Variants in HSD11B1L observed in about 807,000 individuals in gnomAD.
HSD11B1L encodes the protein hydroxysteroid 11-beta dehydrogenase 1 like, also known as hydroxysteroid 11-beta-dehydrogenase 1-like protein.
In HSD11B1L, 22 loss-of-function variants were observed where a neutral mutation model predicts 27.0. The observed-to-expected ratio is 0.81, with a 90% CI of 0.58 to 1.16. The LOEUF is 1.16. Among genes scored for constraint, HSD11B1L ranks in the 50% most tolerant of loss-of-function variants. The pLI is 0.00. For synonymous variants in HSD11B1L, 187 were observed against 189.2 expected (o/e 0.99, Z 0.09); for missense variants, 372 against 401.8 (o/e 0.93, Z 0.63).
intron 1 of HSD11B1L, among the ~76,000 whole-genome samples, chr19:5,683,208 CA>C (rs1168433209): frequency 0.038 from 1,929 of 51,094 alleles, 24 homozygotes; most frequent in African/African-American, 0.11. Flanking sequence ...AACTCAGTCT[CA>C]AAAAAAAAAA....
chr19:5,683,391 C>A (rs1015779368), intron 1 of HSD11B1L, among the ~76,000 whole-genome samples: 6 of 152,132 alleles, frequency 3.9e-5, no homozygotes, highest in Non-Finnish European at 8.8e-5. Context: ...AGAGAGCGAG[C>A]TGTCTCTTGG....
Position 5,686,494 on chromosome 19 carries a change from G to A in HSD11B1L, c.283G>A (p.Glu95Lys), listed in dbSNP as rs551077796. 5.7e-6 allele frequency: 9 copies of A among 1,584,810 alleles called. No individual in the cohort carries two copies. The East Asian group carries it at 1.6e-4, about 28-fold the overall frequency. ...GGACATGGCCTCCCCTGAGGCGCCC[G>A]AGAGCGTGGTGCAGTTTGCGCTGGA... ...AADMASPEAP[E>K]SVVQFALDKL... is the part of the protein sequence containing the mutation. The change falls in exon 4 of 8, where the codon GAG becomes AAG. Residue 95 changes from glutamate to lysine, a missense_variant. Coordinates refer to ENST00000339423, the MANE Select transcript of HSD11B1L (RefSeq NM_198706.3).
chr19:5,681,509 C>G (rs2054545368), intron 1 of HSD11B1L, among the ~76,000 whole-genome samples: 2 of 151,292 alleles, frequency 1.3e-5, no homozygotes. Flanking sequence ...ATCCACACTT[C>G]CGTTCATCCA....
chr19:5,683,663 G>GGGAGGATC (rs2054612910), intron 1 of HSD11B1L, among the ~76,000 whole-genome samples: 1 of 152,086 alleles, frequency 6.6e-6, no homozygotes, highest in African/African-American at 2.4e-5. Flanking sequence ...AGGCTGAGGC[G>GGGAGGATC]GGAGGATCAC....
In HSD11B1L at chr19:5,687,453, G is replaced by A; in HGVS notation, c.503-50G>A. 1 of 1,589,910 alleles carries A rather than the reference G, an allele frequency of 6.3e-7. No individual in the cohort carries two copies. Among genetic ancestry groups the A allele is most frequent in the Non-Finnish European group, 8.5e-7 (1 of 1,172,796 alleles). ...GGGTGAGCCTGGAGGGTCTGGGCAG[G>A]CTTCCCGGACGAGGGGGAGCCACTC... On this transcript the variant is annotated intron_variant, in intron 6 of 7. Coordinates refer to ENST00000339423, the MANE Select transcript of HSD11B1L (RefSeq NM_198706.3). The surrounding 1 kb of genome is among the most constrained non-coding windows in gnomAD (Gnocchi z 6.6).
intron 1 of HSD11B1L, among the ~76,000 whole-genome samples, chr19:5,682,693 C>T (rs2054587154): frequency 6.6e-6 from 1 of 151,646 alleles, no homozygotes; most frequent in Non-Finnish European, 1.5e-5. Flanking sequence ...ACAGCAGAGG[C>T]AAAGAACCTA....
chr19:5,682,364 G>C (rs1272920854), intron 1 of HSD11B1L, among the ~76,000 whole-genome samples: 2 of 152,166 alleles, frequency 1.3e-5, no homozygotes, highest in African/African-American at 2.4e-5. Context: ...AAGGAAAGAT[G>C]GGGGTGGTCA....
At chr19:5,683,240 T>G (rs1252630290) in intron 1 of HSD11B1L, among the ~76,000 whole-genome samples, 1 of 146,994 alleles carries the variant, frequency 6.8e-6, no homozygotes, top group Non-Finnish European at 1.5e-5. Flanking sequence ...GAACCTGGAC[T>G]GTTTCTCTCT....
At chr19:5,684,735 G>A (rs765109868) in intron 1 of HSD11B1L, 84 bp from the exon 2 acceptor site, 13 of 1,596,732 alleles carry the variant, frequency 8.1e-6, no homozygotes, top group African/African-American at 5.4e-5. Context: ...GATCCAAGGC[G>A]GTGGCATCAC....
intron 1 of HSD11B1L, among the ~76,000 whole-genome samples, chr19:5,683,676 G>T (rs2054613116): frequency 2.0e-5 from 3 of 152,136 alleles, no homozygotes. Flanking sequence ...AGGATCACTT[G>T]AGCCCAGGAG....
chr19:5,685,978 G>GAA lies in HSD11B1L; in HGVS notation c.205-437_205-436insAA, dbSNP rs2054679583. ...CAATGCAGTGAGACGGTGACTAGAA[G>GAA]ATGCAGTGTTTCTTAACAAATGAGA... On this transcript the variant is annotated intron_variant, in intron 3 of 7. Coordinates refer to ENST00000339423, the MANE Select transcript of HSD11B1L (RefSeq NM_198706.3). The surrounding 1 kb of genome is among the most constrained non-coding windows in gnomAD (Gnocchi z 4.3). 6.6e-6 allele frequency among the ~76,000 whole-genome samples: 1 copy of GAA among 152,180 alleles called. No individual in the cohort carries two copies. The highest frequency in any genetic ancestry group is 1.5e-5 in the Non-Finnish European group (1 of 68,042).
Position 5,685,746 on chromosome 19 carries a change from GAA to G in HSD11B1L, c.204+637_204+638del, listed in dbSNP as rs56023917. Among the ~76,000 whole-genome samples the G allele has an allele frequency of 4.9e-5, 7 of 141,440 alleles. No individual in the cohort carries two copies. The highest frequency in any genetic ancestry group is 2.1e-4 in the Admixed American group (3 of 14,260). The allele number at this position is 141,440 out of a possible 152,430, so 92.8% of individuals were successfully genotyped here. A position where few individuals can be genotyped will look rare whatever the true frequency, so the allele number is the denominator to read the frequency against. On this transcript the variant is annotated intron_variant, in intron 3 of 7. Transcript: ENST00000339423. This position sits in a 1 kb window ranked among gnomAD's most constrained non-coding sequence, Gnocchi z 4.3. ...GAGCGATACTCCATCTCAAAAAAAA[GAA>G]AAAAAAAAATTAGGGCATGGTGGCG...
At position 5,685,345 on chromosome 19, in the gene HSD11B1L, GAAAGT is replaced by G. The variant is rs1230148512; in HGVS notation, c.204+227_204+231del. The stretch of plus-strand genomic sequence containing the variant: ...GTAGTCAGCACTTTGGGAGGCCGAG[GAAAGT>G]GGATCACCTGAGGTCAGGAGTTCAA... On this transcript the variant is annotated intron_variant, in intron 3 of 7. Transcript: ENST00000339423. This position sits in a 1 kb window ranked among gnomAD's most constrained non-coding sequence, Gnocchi z 4.3. 1 of 681,434 alleles carries G rather than the reference GAAAGT, an allele frequency of 1.5e-6. No individual in the cohort carries two copies. The highest frequency in any genetic ancestry group is 1.5e-5 in the South Asian group (1 of 66,718). 42.2% of individuals were successfully genotyped at this position (681,434 alleles called of 1,614,324 possible).
In HSD11B1L at chr19:5,688,095, A is replaced by T. The variant is rs1377152533; in HGVS notation, c.*150A>T. ...CAGAAAAGCAAAACCGAGAAAAACG[A>T]CGGGCACCTGGAACCAGTCACGGCT... is the stretch of plus-strand genomic sequence containing the variant. On this transcript the variant is annotated 3_prime_UTR_variant, in exon 8 of 8. Transcript: ENST00000339423. 1 of 1,551,496 alleles carries T rather than the reference A, an allele frequency of 6.4e-7. No individual in the cohort carries two copies. Among genetic ancestry groups the T allele is most frequent in the Admixed American group, 2.0e-5 (1 of 51,010 alleles).
chr19:5,685,178 C>T lies in HSD11B1L; in HGVS notation c.204+59C>T. ...GTGCTCATGGGGGGTGGGAAGAGAGCCTGGGTTTAATCCCTGCAATGATCC... is the reference window on the plus strand; with the variant it reads ...GTGCTCATGGGGGGTGGGAAGAGAGTCTGGGTTTAATCCCTGCAATGATCC... On this transcript the variant is annotated intron_variant, in intron 3 of 7. Transcript: ENST00000339423. This position sits in a 1 kb window ranked among gnomAD's most constrained non-coding sequence, Gnocchi z 4.3. 1.3e-6 allele frequency: 2 copies of T among 1,530,218 alleles called. No homozygotes were observed. Among genetic ancestry groups the T allele is most frequent in the Non-Finnish European group, 1.8e-6 (2 of 1,140,912 alleles). The allele number at this position is 1,530,218 out of a possible 1,614,324, so 94.8% of individuals were successfully genotyped here. A position where few individuals can be genotyped will look rare whatever the true frequency, so the allele number is the denominator to read the frequency against.
rs562357455 is a variant in HSD11B1L, at chr19:5,686,405, G to GC, written c.205-3dup. On this transcript the variant is annotated splice_polypyrimidine_tract_variant and intron_variant, in intron 3 of 7. Transcript: ENST00000339423. ...GAGGAGAGGCCCACGGGCAGCTCTGGCCCCCCCCAGGTGGTAGGGAACTGC... is the reference window on the plus strand; with the variant it reads ...GAGGAGAGGCCCACGGGCAGCTCTGGCCCCCCCCCAGGTGGTAGGGAACTGC... The GC allele has an allele frequency of 2.4e-3, 3,578 of 1,521,354 alleles. 47 individuals carry two copies. The South Asian group carries it at 0.027, about 12-fold the overall frequency. The allele number at this position is 1,521,354 out of a possible 1,614,324, so 94.2% of individuals were successfully genotyped here. A position where few individuals can be genotyped will look rare whatever the true frequency, so the allele number is the denominator to read the frequency against.
At position 5,685,274 on chromosome 19, in the gene HSD11B1L, G is replaced by A. The variant is rs973734988; in HGVS notation, c.204+155G>A. ...CTCTCAGTTTCCTCATTTGCAAAAC[G>A]GGGACAATAAAACCACTTTCTGGCC... On this transcript the variant is annotated intron_variant, in intron 3 of 7. Transcript: ENST00000339423. The surrounding 1 kb of genome is among the most constrained non-coding windows in gnomAD (Gnocchi z 4.3). 8 of 1,068,362 alleles carry A rather than the reference G, an allele frequency of 7.5e-6. No homozygotes were observed. The highest frequency in any genetic ancestry group is 1.6e-5 in the African/African-American group (1 of 63,924). The allele number at this position is 1,068,362 out of a possible 1,614,324, so 66.2% of individuals were successfully genotyped here.
rs768172247 is a variant in HSD11B1L, at chr19:5,685,019, CAG to C, written c.105_106del (p.Ala37GlnfsTer6). 34 of 1,586,692 alleles carry C rather than the reference CAG, an allele frequency of 2.1e-5. No homozygotes were observed. Among genetic ancestry groups the C allele is most frequent in the Middle Eastern group, 1.7e-4 (1 of 6,050 alleles). On this transcript the variant is annotated frameshift_variant, in exon 3 of 8. Coordinates refer to ENST00000339423, the MANE Select transcript of HSD11B1L (RefSeq NM_198706.3). LOFTEE classifies it high-confidence loss of function. The surrounding 1 kb of genome is among the most constrained non-coding windows in gnomAD (Gnocchi z 4.3). ...CTCCAGGGAGCGCGAGTGCTGCTGA[CAG>C]GGGCCAACGCTGGTGTTGGTGAGGA...
intron 1 of HSD11B1L, among the ~76,000 whole-genome samples, chr19:5,682,500 G>T (rs567655554): frequency 6.6e-6 from 1 of 152,166 alleles, no homozygotes; most frequent in Non-Finnish European, 1.5e-5. Flanking sequence ...GCTCGTGGGG[G>T]TGAAAGGATA....
Sources: gnomAD v4.1 joint callset for allele counts (sites outside exome capture counted in the v4.1 genomes callset) on GRCh38, gnomAD v4.1.1 for gene constraint, Gnocchi (gnomAD v3.1) non-coding constraint, MANE v1.5 for transcripts, NCBI Gene and HGNC (gene_info 2026-07-23, HGNC 2026-07-21) for gene names.